ZFHX3: variants seen among roughly 807,000 people sequenced by gnomAD.
The protein encoded by ZFHX3 is zinc finger homeobox 3, also known as zinc finger homeobox protein 3.
ZFHX3 carries 42 observed loss-of-function variants against 279.1 expected under a neutral mutation model. The ratio of observed to expected loss-of-function variants is 0.15; its 90% CI spans 0.12 to 0.19. ZFHX3 has a LOEUF of 0.19. Ranked by LOEUF, ZFHX3 falls within the 10% of genes least tolerant of loss-of-function variation. ZFHX3 has a pLI of 1.00. For missense variants in ZFHX3, 4,981 were observed against 4,754.0 expected (o/e 1.05, Z -1.40); for synonymous variants, 2,293 against 1,957.8 (o/e 1.17, Z -4.52).
In ZFHX3 at chr16:73,733,950, C is replaced by A. The variant is rs75711016; in HGVS notation, c.-1607-53710G>T. On this transcript the variant is annotated intron_variant, in intron 1 of 17. Transcript: ENST00000641206. ...AACAGTGGTCCCCAATTTTTTGGCACCAGAGACTGGTTTCATGGAAGACAA... is the reference window on the plus strand; with the variant it reads ...AACAGTGGTCCCCAATTTTTTGGCAACAGAGACTGGTTTCATGGAAGACAA... 5.1e-4 allele frequency among the ~76,000 whole-genome samples: 77 copies of A among 152,238 alleles called. No homozygotes were observed. In the East Asian group the frequency reaches 0.013, roughly 27 times the overall value.
intron 2 of ZFHX3, among the ~76,000 whole-genome samples, chr16:73,548,819 T>G (rs939578637): frequency 6.6e-6 from 1 of 152,172 alleles, no homozygotes; most frequent in African/African-American, 2.4e-5. Flanking sequence ...AAATTAGACA[T>G]CAAATGATAA....
At chr16:73,407,365 T>G (rs1438227930) in intron 3 of ZFHX3, among the ~76,000 whole-genome samples, 1 of 152,158 alleles carries the variant, frequency 6.6e-6, no homozygotes, top group Non-Finnish European at 1.5e-5. Context: ...TGAATGCTGG[T>G]TTTCCACTGA....
chr16:73,548,480 A>T (rs12600044), intron 2 of ZFHX3, among the ~76,000 whole-genome samples: 5,988 of 122,960 alleles, frequency 0.049, 258 homozygotes, highest in African/African-American at 0.13. Context: ...TTTTTTTTTT[A>T]AAAAAAAGTG....
chr16:73,103,919 G>A (rs577028867), intron 7 of ZFHX3, among the ~76,000 whole-genome samples: 1 of 152,346 alleles, frequency 6.6e-6, no homozygotes, highest in African/African-American at 2.4e-5. Flanking sequence ...AAGGCAAGGA[G>A]TTTAGTGATT....
chr16:73,285,686 G>A (rs1274101156), intron 4 of ZFHX3, among the ~76,000 whole-genome samples: 1 of 152,210 alleles, frequency 6.6e-6, no homozygotes, highest in African/African-American at 2.4e-5. Flanking sequence ...GATGGGCGGA[G>A]CTTTCACATC....
chr16:73,104,358 G>A (rs1966268540), intron 7 of ZFHX3, among the ~76,000 whole-genome samples: 1 of 152,150 alleles, frequency 6.6e-6, no homozygotes, highest in Non-Finnish European at 1.5e-5. Flanking sequence ...AGCCTCCCGA[G>A]TAGCTGGGAT....
intron 8 of ZFHX3, among the ~76,000 whole-genome samples, chr16:73,091,503 G>C (rs1966081466): frequency 6.6e-6 from 1 of 152,190 alleles, no homozygotes; most frequent in African/African-American, 2.4e-5. Context: ...CTGCAGAGCT[G>C]GCCAGCAGTA....
intron 2 of ZFHX3, among the ~76,000 whole-genome samples, chr16:73,484,430 C>T (rs1348605373): frequency 2.0e-5 from 3 of 152,204 alleles, no homozygotes; most frequent in African/African-American, 7.2e-5. Flanking sequence ...TCGCCCTTGG[C>T]ATTCCCTTGA....
At chr16:73,887,294 T>A (rs908467816) in intron 1 of ZFHX3, among the ~76,000 whole-genome samples, 8 of 152,184 alleles carry the variant, frequency 5.3e-5, no homozygotes, top group African/African-American at 1.4e-4. Flanking sequence ...TGGCAGGATC[T>A]TCCTCAAAAT....
At chr16:73,769,023 G>T (rs531729039) in intron 1 of ZFHX3, among the ~76,000 whole-genome samples, 107 of 152,078 alleles carry the variant, frequency 7.0e-4, no homozygotes, top group Non-Finnish European at 9.6e-4. Flanking sequence ...CCATATTTGG[G>T]GCATGTACTT....
At chr16:73,831,114 A>G (rs147119492) in intron 1 of ZFHX3, among the ~76,000 whole-genome samples, 16 of 152,334 alleles carry the variant, frequency 1.1e-4, no homozygotes, top group Non-Finnish European at 2.2e-4. Flanking sequence ...AAAAATCTAC[A>G]AACATTCTAG....
intron 5 of ZFHX3, among the ~76,000 whole-genome samples, chr16:73,158,780 C>A (rs1294007480): frequency 1.3e-5 from 2 of 152,158 alleles, no homozygotes; most frequent in South Asian, 2.1e-4. Context: ...GACTGCACAA[C>A]CACAACCATC....
At chr16:73,152,891 T>C (rs1001742134) in intron 5 of ZFHX3, among the ~76,000 whole-genome samples, 1 of 151,864 alleles carries the variant, frequency 6.6e-6, no homozygotes, top group Non-Finnish European at 1.5e-5. Flanking sequence ...GCCCTTCTAA[T>C]CGCTGCAGCT....
intron 2 of ZFHX3, among the ~76,000 whole-genome samples, chr16:73,665,538 G>A (rs1468101563): frequency 6.6e-6 from 1 of 151,744 alleles, no homozygotes; most frequent in African/African-American, 2.4e-5. Flanking sequence ...TTAAGAAGAG[G>A]ATGCTGAGAC....
At chr16:73,590,272 G>A (rs2051980700) in intron 2 of ZFHX3, among the ~76,000 whole-genome samples, 1 of 152,180 alleles carries the variant, frequency 6.6e-6, no homozygotes, top group Non-Finnish European at 1.5e-5. Context: ...CTACCAATGA[G>A]CAAGTCTAAC....
At chr16:73,769,923 G>A (rs1349594440) in intron 1 of ZFHX3, among the ~76,000 whole-genome samples, 3 of 152,226 alleles carry the variant, frequency 2.0e-5, no homozygotes, top group Non-Finnish European at 4.4e-5. Context: ...TGGCTTAGGT[G>A]TGTGAATAAA....
intron 8 of ZFHX3, among the ~76,000 whole-genome samples, chr16:73,080,818 C>T (rs1301659756): frequency 6.6e-6 from 1 of 152,096 alleles, no homozygotes; most frequent in Admixed American, 6.5e-5. Flanking sequence ...TGGCCTCAAG[C>T]AATCCTCCCG....
chr16:73,887,703 G>C (rs1402957476), intron 1 of ZFHX3, among the ~76,000 whole-genome samples: 1 of 151,874 alleles, frequency 6.6e-6, no homozygotes, highest in Non-Finnish European at 1.5e-5. Flanking sequence ...CTAATAAATA[G>C]TAATAATAAT....
At chr16:73,134,057 C>A (rs1256111727) in intron 6 of ZFHX3, among the ~76,000 whole-genome samples, 3 of 152,104 alleles carry the variant, frequency 2.0e-5, no homozygotes, top group African/African-American at 7.2e-5. Context: ...AATATTCATT[C>A]GTTGAATCCC....
Sources: allele counts gnomAD v4.1 joint callset (sites outside exome capture counted in the v4.1 genomes callset), GRCh38; gene constraint gnomAD v4.1.1; transcripts MANE v1.5; gene names NCBI Gene and HGNC (gene_info 2026-07-23, HGNC 2026-07-21).